Variants in RALGPS2 observed in about 807,000 individuals in gnomAD.
The protein encoded by RALGPS2 is Ral GEF with PH domain and SH3 binding motif 2.
In RALGPS2, 43 loss-of-function variants were observed where a neutral mutation model predicts 86.8. That is an observed-to-expected ratio of 0.50 (90% confidence interval 0.39 to 0.64). The LOEUF (loss-of-function observed/expected upper bound fraction) is 0.64. Among genes scored for constraint, RALGPS2 ranks in the 30% least tolerant of loss-of-function variants. The pLI is 0.00. For missense variants in RALGPS2, 536 were observed against 694.6 expected, an observed-to-expected ratio of 0.77 and a Z score of 2.57; for synonymous variants, 243 against 231.3, an observed-to-expected ratio of 1.05 and a Z score of -0.46.
intron 8 of RALGPS2, among the ~76,000 whole-genome samples, chr1:178,836,946 T>C (rs1284314041): frequency 6.6e-6 from 1 of 152,020 alleles, no homozygotes; most frequent in African/African-American, 2.4e-5. Flanking sequence ...GCACAGCTAA[T>C]TTTAAAATTT....
intron 8 of RALGPS2, among the ~76,000 whole-genome samples, chr1:178,839,984 C>G (rs1325633772): frequency 2.0e-5 from 3 of 152,124 alleles, no homozygotes; most frequent in African/African-American, 7.2e-5. Flanking sequence ...AATACAGGAG[C>G]ACCCAGATTC....
Position 178,893,909 on chromosome 1 carries a change from G to A in RALGPS2, c.1326-10G>A, listed in dbSNP as rs758441384. On this transcript the variant is annotated splice_polypyrimidine_tract_variant and intron_variant, in intron 15 of 19. Transcript: ENST00000367635. ...AAAGCTCTTATGTGTTCTTTTCTTCGTTATTATAGTTCTGCAGAATCAGAA... is the reference window on the plus strand; with the variant it reads ...AAAGCTCTTATGTGTTCTTTTCTTCATTATTATAGTTCTGCAGAATCAGAA... 39 of 1,554,990 alleles carry A rather than the reference G, an allele frequency of 2.5e-5. No individual in the cohort carries two copies. The highest frequency in any genetic ancestry group is 2.4e-4 in the South Asian group (21 of 88,134).
chr1:178,800,940 T>G (rs1654439219), intron 4 of RALGPS2, among the ~76,000 whole-genome samples: 1 of 152,034 alleles, frequency 6.6e-6, no homozygotes, highest in Non-Finnish European at 1.5e-5. Context: ...TTTTTTTTTT[T>G]TTTGAGACAG....
chr1:178,796,569 G>A (rs1654200723), intron 4 of RALGPS2, among the ~76,000 whole-genome samples: 1 of 151,884 alleles, frequency 6.6e-6, no homozygotes. Context: ...TCTTCCCTCA[G>A]TCTCTTATCT....
chr1:178,729,250 T>C (rs903779920), intron 1 of RALGPS2, among the ~76,000 whole-genome samples: 1 of 152,196 alleles, frequency 6.6e-6, no homozygotes, highest in Non-Finnish European at 1.5e-5. Flanking sequence ...CCCATCATAC[T>C]CTGTGCCTTT....
chr1:178,772,209 C>T (rs1652843881), intron 1 of RALGPS2, among the ~76,000 whole-genome samples: 1 of 152,156 alleles, frequency 6.6e-6, no homozygotes, highest in Admixed American at 6.5e-5. Context: ...GCTTTAACTG[C>T]TAATATTGTA....
intron 8 of RALGPS2, among the ~76,000 whole-genome samples, chr1:178,840,435 G>A (rs1418415825): frequency 6.6e-6 from 1 of 152,158 alleles, no homozygotes; most frequent in African/African-American, 2.4e-5. Flanking sequence ...CAGAAATAAA[G>A]CTGTTCTTTG....
At chr1:178,820,821 T>TG (rs1655462218) in intron 6 of RALGPS2, among the ~76,000 whole-genome samples, 1 of 152,200 alleles carries the variant, frequency 6.6e-6, no homozygotes, top group Admixed American at 6.5e-5. Context: ...TAATTTATTT[T>TG]GTTTTTATTT....
chr1:178,852,590 T>C (rs539906053), intron 8 of RALGPS2: 2 of 1,385,888 alleles, frequency 1.4e-6, no homozygotes, highest in African/African-American at 2.9e-5. Flanking sequence ...ACTGACCTTT[T>C]TGAAAAGACT....
intron 1 of RALGPS2, among the ~76,000 whole-genome samples, chr1:178,731,283 T>TTTTG (rs1650340270): frequency 1.7e-5 from 2 of 115,572 alleles, no homozygotes; most frequent in Non-Finnish European, 1.8e-5. Flanking sequence ...TTTTTTTTTT[T>TTTTG]TTTTTTTTTT....
chr1:178,782,989 A>C (rs1432693348), intron 2 of RALGPS2, among the ~76,000 whole-genome samples: 1 of 152,180 alleles, frequency 6.6e-6, no homozygotes, highest in African/African-American at 2.4e-5. Context: ...GAAAAAACAC[A>C]ATTTGAAGAG....
At chr1:178,775,079 C>G (rs2102100252) in intron 1 of RALGPS2, among the ~76,000 whole-genome samples, 1 of 152,260 alleles carries the variant, frequency 6.6e-6, no homozygotes. Flanking sequence ...GGGAATTAAG[C>G]AGATAGTAAC....
intron 6 of RALGPS2, among the ~76,000 whole-genome samples, chr1:178,812,256 C>T (rs184884261): frequency 3.9e-5 from 6 of 152,174 alleles, no homozygotes; most frequent in South Asian, 2.1e-4. Flanking sequence ...GCCCAGAGAA[C>T]GAAGTCCTGA....
chr1:178,819,090 G>C (rs1655374483), intron 6 of RALGPS2, among the ~76,000 whole-genome samples: 2 of 151,332 alleles, frequency 1.3e-5, no homozygotes, highest in South Asian at 4.2e-4. Flanking sequence ...CTGGGCTCAA[G>C]CAGTCCTCCC....
intron 15 of RALGPS2, 136 bp downstream of exon 15, chr1:178,892,443 A>T: frequency 1.4e-6 from 1 of 703,874 alleles, no homozygotes; most frequent in Non-Finnish European, 2.4e-6. Flanking sequence ...ACCTAGAAAA[A>T]CTTTCTTTCC....
intron 4 of RALGPS2, among the ~76,000 whole-genome samples, chr1:178,799,684 C>A (rs1158819935): frequency 6.6e-6 from 1 of 152,144 alleles, no homozygotes; most frequent in Non-Finnish European, 1.5e-5. Flanking sequence ...TCGTAAAGTT[C>A]TTTTGATTCT....
chr1:178,747,472 C>T, intron 1 of RALGPS2: 1 of 1,602,438 alleles, frequency 6.2e-7, no homozygotes, highest in Non-Finnish European at 8.5e-7. Flanking sequence ...TTGGCCAGTA[C>T]TGTGCACATT....
chr1:178,857,183 G>A lies in RALGPS2; in HGVS notation c.608-20315G>A, dbSNP rs1004951444. Among the ~76,000 whole-genome samples, 15 of 152,278 alleles carry A rather than the reference G, an allele frequency of 9.9e-5. No homozygotes were observed. The South Asian group carries it at 1.5e-3, about 15-fold the overall frequency. ...CCCAGGTTCATACTTAGATTATTGCGTGTAATGCAGGTAGTATATTTGTAT... is the reference window on the plus strand; with the variant it reads ...CCCAGGTTCATACTTAGATTATTGCATGTAATGCAGGTAGTATATTTGTAT... On this transcript the variant is annotated intron_variant, in intron 8 of 19. Coordinates refer to ENST00000367635, the MANE Select transcript of RALGPS2 (RefSeq NM_152663.5).
At chr1:178,812,218 G>A (rs1238555643) in intron 6 of RALGPS2, among the ~76,000 whole-genome samples, 1 of 152,120 alleles carries the variant, frequency 6.6e-6, no homozygotes, top group Non-Finnish European at 1.5e-5. Flanking sequence ...GTACATAAGA[G>A]TAAGTGATTT....
Sources: allele counts gnomAD v4.1 joint callset (sites outside exome capture counted in the v4.1 genomes callset), GRCh38; gene constraint gnomAD v4.1.1; transcripts MANE v1.5; gene names NCBI Gene and HGNC (gene_info 2026-07-23, HGNC 2026-07-21).